Variants in SH3RF2 observed in about 807,000 individuals in gnomAD.
The protein encoded by SH3RF2 is SH3 domain containing ring finger 2.
In SH3RF2, 43 loss-of-function variants were observed where a neutral mutation model predicts 59.0. That is an observed-to-expected ratio of 0.73 (90% CI 0.57 to 0.94). The LOEUF (loss-of-function observed/expected upper bound fraction) is 0.94, where lower values mean the gene tolerates loss of function less well. SH3RF2 is among the 40% of genes least tolerant of loss of function. SH3RF2 has a pLI of 0.00. For synonymous variants in SH3RF2, 391 were observed against 391.5 expected (o/e 1.00, Z 0.01); for missense variants, 930 against 940.1 (o/e 0.99, Z 0.14).
At chr5:146,011,251 G>T (rs1255007464) in intron 4 of SH3RF2, among the ~76,000 whole-genome samples, 3 of 152,150 alleles carry the variant, frequency 2.0e-5, no homozygotes, top group African/African-American at 7.2e-5. Flanking sequence ...CTCTGTTTAG[G>T]TACCAGTACC....
intron 2 of SH3RF2, among the ~76,000 whole-genome samples, chr5:145,998,836 G>A (rs539972843): frequency 5.3e-5 from 8 of 152,224 alleles, no homozygotes; most frequent in East Asian, 1.9e-4. Context: ...ACTTGAACCC[G>A]GGAGGTGGAG....
intron 5 of SH3RF2, among the ~76,000 whole-genome samples, chr5:146,025,965 T>A (rs181364293): frequency 3.3e-4 from 50 of 152,312 alleles, no homozygotes; most frequent in Admixed American, 2.9e-3. Context: ...GCTATTACCT[T>A]CCCCCTCTTT....
At position 146,062,562 on chromosome 5, in the gene SH3RF2, A is replaced by C; in HGVS notation, c.2051A>C (p.Glu684Ala). The change falls in exon 10 of 10, where the codon GAG becomes GCG. Residue 684 changes from glutamate (E) to alanine (A), a missense_variant. Glu to Ala is a moderately radical substitution (Grantham distance 107). Coordinates refer to ENST00000359120, the MANE Select transcript of SH3RF2 (RefSeq NM_152550.4). ...CCTGAAGCAGCGTCCTTGGGCCCAG[A>C]GATGACCGTCCTATTTGCCCACCGA... The part of the protein sequence containing the change: ...SQPEAASLGP[E>A]MTVLFAHRSG... The C allele has an allele frequency of 6.2e-7, 1 of 1,614,106 alleles. No individual in the cohort carries two copies. The highest frequency in any genetic ancestry group is 8.5e-7 in the Non-Finnish European group (1 of 1,180,010).
chr5:145,941,308 C>G (rs1227607698), intron 2 of SH3RF2, among the ~76,000 whole-genome samples: 1 of 152,148 alleles, frequency 6.6e-6, no homozygotes, highest in Non-Finnish European at 1.5e-5. Flanking sequence ...ATAGTCACAC[C>G]TCATGGTGCC....
At chr5:146,006,335 G>T (rs12522478) in intron 4 of SH3RF2, among the ~76,000 whole-genome samples, 1 of 151,908 alleles carries the variant, frequency 6.6e-6, no homozygotes, top group Non-Finnish European at 1.5e-5. Flanking sequence ...GCAGGAGAAT[G>T]ATTTGAGCCT....
At chr5:145,985,052 A>T (rs772752433) in intron 2 of SH3RF2, among the ~76,000 whole-genome samples, 2 of 152,174 alleles carry the variant, frequency 1.3e-5, no homozygotes, top group Non-Finnish European at 2.9e-5. Context: ...GCTATTTGGG[A>T]GGCCAAGGTG....
chr5:145,963,243 AATGGATGGATGGATGG>A (rs58658769), intron 2 of SH3RF2, among the ~76,000 whole-genome samples: 32 of 148,032 alleles, frequency 2.2e-4, no homozygotes, highest in East Asian at 9.9e-4. Context: ...ATACTGGATG[AATGGATGGATGGATGG>A]ATGGATGGAT....
chr5:146,013,482 T>C (rs1760986660), intron 4 of SH3RF2, among the ~76,000 whole-genome samples: 1 of 152,310 alleles, frequency 6.6e-6, no homozygotes, highest in South Asian at 2.1e-4. Context: ...AAGAGCATCA[T>C]GGCTTATTTT....
At chr5:145,997,698 A>G (rs1236178549) in intron 2 of SH3RF2, 1 of 1,562,192 alleles carries the variant, frequency 6.4e-7, no homozygotes, top group Admixed American at 1.8e-5. Context: ...GGTAACAGGG[A>G]AAAAGGTATA....
intron 5 of SH3RF2, among the ~76,000 whole-genome samples, chr5:146,029,339 A>G (rs1323499326): frequency 2.6e-5 from 4 of 152,154 alleles, no homozygotes; most frequent in Admixed American, 2.6e-4. Context: ...GGCATCTCAC[A>G]TGCTAACTCA....
intron 9 of SH3RF2, among the ~76,000 whole-genome samples, chr5:146,071,317 G>T (rs1392502600): frequency 6.6e-6 from 1 of 152,218 alleles, no homozygotes; most frequent in Admixed American, 6.5e-5. Flanking sequence ...CAAGGAGAGG[G>T]TAGAGGACTG....
chr5:146,001,595 C>T (rs1404105225), intron 3 of SH3RF2, among the ~76,000 whole-genome samples: 1 of 152,200 alleles, frequency 6.6e-6, no homozygotes, highest in Non-Finnish European at 1.5e-5. Flanking sequence ...TTGTGCCAGG[C>T]ATTAGACACA....
downstream of SH3RF2, among the ~76,000 whole-genome samples, chr5:146,064,767 G>A (rs71592187): frequency 0.14 from 3,490 of 25,710 alleles, 396 homozygotes; most frequent in Admixed American, 0.22. Flanking sequence ...AGGAAGGAAG[G>A]AAGGAAGGAA....
At chr5:146,021,831 T>C (rs971080031) in intron 5 of SH3RF2, among the ~76,000 whole-genome samples, 6 of 152,196 alleles carry the variant, frequency 3.9e-5, no homozygotes, top group African/African-American at 1.4e-4. Context: ...CAGCCCATGG[T>C]GGGATGTAGG....
intron 2 of SH3RF2, among the ~76,000 whole-genome samples, chr5:145,993,173 A>T (rs141640435): frequency 6.6e-6 from 1 of 152,212 alleles, no homozygotes; most frequent in Non-Finnish European, 1.5e-5. Flanking sequence ...CTTTGACTCT[A>T]TGTCTCACAT....
intron 2 of SH3RF2, among the ~76,000 whole-genome samples, chr5:145,949,034 T>G (rs1758097432): frequency 6.6e-6 from 1 of 152,262 alleles, no homozygotes; most frequent in Non-Finnish European, 1.5e-5. Context: ...GCTGAGCTCC[T>G]GGTATCTTCC....
intron 9 of SH3RF2, among the ~76,000 whole-genome samples, chr5:146,074,195 A>G (rs1763296491): frequency 6.6e-6 from 1 of 151,556 alleles, no homozygotes; most frequent in Non-Finnish European, 1.5e-5. Flanking sequence ...GCCCAACACC[A>G]CGCCCGGCTA....
chr5:145,972,429 C>T (rs1007127111), intron 2 of SH3RF2, among the ~76,000 whole-genome samples: 8 of 152,298 alleles, frequency 5.3e-5, no homozygotes, highest in Middle Eastern at 6.8e-3. Context: ...CCACCACTAC[C>T]GTCACCACCA....
intron 5 of SH3RF2, among the ~76,000 whole-genome samples, chr5:146,042,300 G>A (rs1762156644): frequency 6.6e-6 from 1 of 152,106 alleles, no homozygotes; most frequent in Admixed American, 6.5e-5. Context: ...ACCATAAAAG[G>A]CACCCCACCC....
Sources: allele counts gnomAD v4.1 joint callset (sites outside exome capture counted in the v4.1 genomes callset), GRCh38; gene constraint gnomAD v4.1.1; transcripts MANE v1.5; gene names NCBI Gene and HGNC (gene_info 2026-07-23, HGNC 2026-07-21).